ERAP1: variants seen among roughly 807,000 people sequenced by gnomAD.
The protein encoded by ERAP1 is adipocyte-derived leucine aminopeptidase.
A neutral mutation model predicts 103.7 loss-of-function variants in ERAP1; 86 were observed. That is an observed-to-expected ratio of 0.83 (90% CI 0.70 to 0.99). The LOEUF (loss-of-function observed/expected upper bound fraction) is 0.99, where lower values mean the gene tolerates loss of function less well. Among genes scored for constraint, ERAP1 ranks in the 50% least tolerant of loss-of-function variants. The pLI, the probability that ERAP1 is intolerant of heterozygous loss-of-function variation, is 0.00. For missense variants in ERAP1, 1,009 were observed against 1,128.4 expected (o/e 0.89, Z 1.52); for synonymous variants, 398 against 402.4 (o/e 0.99, Z 0.13).
the ERAP1 span, among the ~76,000 whole-genome samples, chr5:96,886,253 G>A: frequency 1.3e-5 from 2 of 152,110 alleles, no homozygotes; most frequent in Admixed American, 6.5e-5. Context: ...TTTCCACAGG[G>A]GTGTACTTCT....
the ERAP1 span, chr5:96,880,207 T>A: frequency 1.2e-6 from 2 of 1,614,100 alleles, no homozygotes; most frequent in Non-Finnish European, 1.7e-6. Flanking sequence ...AGTTAGGTGA[T>A]GGCTTTGAAG....
At chr5:96,835,712 T>C in the ERAP1 span, among the ~76,000 whole-genome samples, 193 of 152,278 alleles carry the variant, frequency 1.3e-3, no homozygotes, top group African/African-American at 4.5e-3. Flanking sequence ...CATGAATAAA[T>C]CCTTCAAAAA....
exon 20 of ERAP1, chr5:96,760,857 T>TAA (rs1469151414): frequency 6.6e-6 from 1 of 151,888 alleles, no homozygotes; most frequent in African/African-American, 2.4e-5. Context: ...GATACTTTTA[T>TAA]AACTCAATAA....
chr5:96,790,298 A>T lies in ERAP1; in HGVS notation c.1522T>A (p.Ser508Thr), dbSNP rs543363550. The T allele has an allele frequency of 4.0e-5, 64 of 1,613,826 alleles. 2 individuals carry two copies. The South Asian group carries it at 6.8e-4, about 17-fold the overall frequency. ...CATGTACAGATATAGAAACTTACTGAGGATGAAGATGAATGTTGACTTCTA... is the reference window on the plus strand; with the variant it reads ...CATGTACAGATATAGAAACTTACTGTGGATGAAGATGAATGTTGACTTCTA... The part of the protein sequence containing the change: ...CSRSQHSSSS[S>T]HWHQEGVDVK... Residue 508 changes from serine to threonine, a missense_variant and splice_region_variant, in exon 10 of 19, where the codon TCA (serine) becomes ACA (threonine). By Grantham distance (58) the Ser-to-Thr change is moderately conservative. Transcript: ENST00000443439.
At chr5:96,869,762 C>G in the ERAP1 span, among the ~76,000 whole-genome samples, 1 of 152,170 alleles carries the variant, frequency 6.6e-6, no homozygotes, top group Non-Finnish European at 1.5e-5. Context: ...GATCAGACAT[C>G]TATCCACATT....
the ERAP1 span, chr5:96,909,537 A>C: frequency 6.6e-7 from 1 of 1,507,522 alleles, no homozygotes; most frequent in Non-Finnish European, 9.2e-7. Context: ...TGTGTTAAGG[A>C]CTAAATTTAG....
At chr5:96,814,545 C>CT in the ERAP1 span, among the ~76,000 whole-genome samples, 1 of 152,076 alleles carries the variant, frequency 6.6e-6, no homozygotes, top group Non-Finnish European at 1.5e-5. Flanking sequence ...ATTCTAGAGA[C>CT]TAGAAAGATT....
the ERAP1 span, among the ~76,000 whole-genome samples, chr5:96,911,569 A>T: frequency 0.013 from 1,939 of 151,922 alleles, 21 homozygotes; most frequent in Non-Finnish European, 0.02. Context: ...GAGTCAGATG[A>T]CTCCCAGACA....
chr5:96,907,718 C>T, the ERAP1 span, among the ~76,000 whole-genome samples: 1 of 152,008 alleles, frequency 6.6e-6, no homozygotes, highest in African/African-American at 2.4e-5. Context: ...CCCGTCTCTA[C>T]TAATACTACA....
chr5:96,890,987 A>G, the ERAP1 span, among the ~76,000 whole-genome samples: 1 of 152,214 alleles, frequency 6.6e-6, no homozygotes, highest in Admixed American at 6.5e-5. Flanking sequence ...GAAAAAATAG[A>G]GCAGATATAA....
At chr5:96,870,223 G>A in the ERAP1 span, among the ~76,000 whole-genome samples, 239 of 152,312 alleles carry the variant, frequency 1.6e-3, no homozygotes, top group African/African-American at 5.3e-3. Context: ...AGACCTCAGT[G>A]TTCTCCTGTT....
the ERAP1 span, among the ~76,000 whole-genome samples, chr5:96,904,964 TG>T: frequency 6.6e-6 from 1 of 152,118 alleles, no homozygotes; most frequent in African/African-American, 2.4e-5. Flanking sequence ...ACTAATTTTT[TG>T]AGCTTGGACA....
upstream of ERAP1, among the ~76,000 whole-genome samples, chr5:96,811,922 ACCTT>A (rs375219349): frequency 1.8e-4 from 27 of 152,182 alleles, no homozygotes; most frequent in African/African-American, 5.3e-4. Flanking sequence ...CCTGTCTCCA[ACCTT>A]CCTCAGTAGG....
At chr5:96,770,616 T>C, downstream of ERAP1, 1 of 1,551,416 alleles carries the variant, frequency 6.4e-7, no homozygotes, top group Non-Finnish European at 8.9e-7. Context: ...AATGGAGCAG[T>C]AAATATACTA....
At chr5:96,821,062 G>T in the ERAP1 span, among the ~76,000 whole-genome samples, 2 of 152,208 alleles carry the variant, frequency 1.3e-5, no homozygotes, top group African/African-American at 4.8e-5. Flanking sequence ...TGCAGTGCAG[G>T]CTGGCAAGCT....
chr5:96,814,799 A>G, the ERAP1 span, among the ~76,000 whole-genome samples: 3 of 152,240 alleles, frequency 2.0e-5, no homozygotes, highest in Non-Finnish European at 2.9e-5. Context: ...AGTCTAGAGA[A>G]AATAGTATAG....
chr5:96,876,247 A>T, the ERAP1 span: 3 of 152,348 alleles, frequency 2.0e-5, no homozygotes, highest in East Asian at 5.6e-4. Flanking sequence ...CCTGGGGACA[A>T]GGGAAGGGAG....
intron 1 of ERAP1, chr5:96,804,296 C>G (rs1778314305): frequency 3.0e-6 from 1 of 338,046 alleles, no homozygotes. Flanking sequence ...ACACGGGTCA[C>G]AGAGTTGCAG....
Position 96,797,180 on chromosome 5 carries a change from C to A in ERAP1, c.793G>T (p.Val265Phe), listed in dbSNP as rs149597747. The change falls in exon 4 of 19, where the codon GTC becomes TTC. Residue 265 changes from valine to phenylalanine, a missense_variant. Coordinates refer to ENST00000443439, the MANE Select transcript of ERAP1 (RefSeq NM_001040458.3). ...TGTGACAGTCATAGGCTCACCTTGA[C>A]TCCACTCTTGGTTATCTTGCTGACA... Reference protein sequence around the residue: ...ESVSKITKSGVKVSVYAVPDK... With the variant: ...ESVSKITKSGFKVSVYAVPDK... 11 of 1,614,134 alleles carry A rather than the reference C, an allele frequency of 6.8e-6. No individual in the cohort carries two copies. The East Asian group carries it at 2.2e-4, about 33-fold the overall frequency.
Sources: gnomAD v4.1 joint callset for allele counts (sites outside exome capture counted in the v4.1 genomes callset) on GRCh38, gnomAD v4.1.1 for gene constraint, MANE v1.5 for transcripts, NCBI Gene and HGNC (gene_info 2026-07-23, HGNC 2026-07-21) for gene names.